The following FAM20C variants were observed in gnomAD, a reference collection of about 807,000 sequenced individuals.
FAM20C encodes extracellular serine/threonine protein kinase FAM20C.
A neutral mutation model predicts 51.5 loss-of-function variants in FAM20C; 40 were observed. That is an observed-to-expected ratio of 0.78 (90% CI 0.60 to 1.01). FAM20C has a LOEUF of 1.01. Among genes scored for constraint, FAM20C ranks in the 50% least tolerant of loss-of-function variants. FAM20C has a pLI of 0.00. For synonymous variants in FAM20C, 406 were observed against 380.6 expected (o/e 1.07, Z -0.78); for missense variants, 861 against 844.7 (o/e 1.02, Z -0.24).
intron 3 of FAM20C, among the ~76,000 whole-genome samples, chr7:212,123 G>A (rs899089544): frequency 6.6e-6 from 1 of 152,352 alleles, no homozygotes; most frequent in Admixed American, 6.5e-5. Context: ...GAAAGCAGCT[G>A]TGGTTCATGA....
At chr7:252,773 C>G (rs868709154) in intron 5 of FAM20C, among the ~76,000 whole-genome samples, 1 of 152,214 alleles carries the variant, frequency 6.6e-6, no homozygotes, top group Non-Finnish European at 1.5e-5. Flanking sequence ...TCAGAGAGGG[C>G]AATTAGGACC....
intron 3 of FAM20C, among the ~76,000 whole-genome samples, chr7:222,398 G>T (rs553089080): frequency 2.0e-5 from 3 of 152,236 alleles, no homozygotes; most frequent in South Asian, 2.1e-4. Flanking sequence ...CCCCACTGTG[G>T]TCCCCAGACT....
intron 5 of FAM20C, among the ~76,000 whole-genome samples, chr7:251,518 T>A (rs1201704294): frequency 2.1e-5 from 3 of 140,174 alleles, no homozygotes; most frequent in African/African-American, 5.2e-5. Context: ...AGACCCCGTC[T>A]CAAAAAAAAA....
At chr7:255,433 G>T (rs1387839712) in intron 5 of FAM20C, among the ~76,000 whole-genome samples, 1 of 152,138 alleles carries the variant, frequency 6.6e-6, no homozygotes. Flanking sequence ...TTGTCTTTTT[G>T]TGATTGAGTG....
rs555225422 is a variant in FAM20C at position 199,935 on chromosome 7, T to C, written c.784+4203T>C. 2.0e-5 allele frequency among the ~76,000 whole-genome samples: 3 copies of C among 152,336 alleles called. No individual in the cohort carries two copies. The East Asian group carries it at 5.8e-4, about 29-fold the overall frequency. ...GACTTCATAATTGCTCCATCCAGAT[T>C]GGGACAAAGACTGTGGTTGGGAGAA... On this transcript the variant is annotated intron_variant, in intron 2 of 9. Transcript: ENST00000313766.
intron 3 of FAM20C, among the ~76,000 whole-genome samples, chr7:210,687 G>A (rs139483004): frequency 6.6e-5 from 10 of 152,212 alleles, no homozygotes; most frequent in African/African-American, 1.9e-4. Flanking sequence ...GCCGAGCTAC[G>A]GGACCTTGAG....
chr7:256,890 G>C (rs1012673164), intron 7 of FAM20C, 115 bp from the exon 8 acceptor site: 3 of 1,421,162 alleles, frequency 2.1e-6, no homozygotes, highest in Non-Finnish European at 2.9e-6. Flanking sequence ...GAAGGGGCCA[G>C]ATTGCTTAGA....
chr7:206,750 G>A (rs1786421640), intron 2 of FAM20C, among the ~76,000 whole-genome samples: 5 of 143,990 alleles, frequency 3.5e-5, no homozygotes, highest in African/African-American at 1.1e-4. Context: ...CGTGCTCACT[G>A]TCCACTGTGA....
At chr7:252,720 C>A (rs1788448434) in intron 5 of FAM20C, among the ~76,000 whole-genome samples, 1 of 152,210 alleles carries the variant, frequency 6.6e-6, no homozygotes, top group Non-Finnish European at 1.5e-5. Context: ...AGGCTGAGCC[C>A]CAGGCAGCCC....
At chr7:201,951 TG>T (rs1401911521) in intron 2 of FAM20C, among the ~76,000 whole-genome samples, 1 of 152,246 alleles carries the variant, frequency 6.6e-6, no homozygotes, top group East Asian at 1.9e-4. Context: ...TAACTAGCCA[TG>T]TTAACTAGTG....
intron 8 of FAM20C, among the ~76,000 whole-genome samples, chr7:258,201 G>C (rs1323413386): frequency 7.2e-6 from 1 of 138,480 alleles, no homozygotes; most frequent in African/African-American, 2.9e-5. Context: ...GATAGGCAGG[G>C]TGGACCCACT....
At chr7:206,838 A>G (rs1223095287) in intron 2 of FAM20C, among the ~76,000 whole-genome samples, 2 of 95,672 alleles carry the variant, frequency 2.1e-5, no homozygotes, top group Non-Finnish European at 3.9e-5. Context: ...GGCCCCGCAC[A>G]CGTGTCCACT....
chr7:245,293 C>T (rs992363224), intron 3 of FAM20C, among the ~76,000 whole-genome samples: 11 of 106,996 alleles, frequency 1.0e-4, no homozygotes, highest in Non-Finnish European at 1.7e-4. Context: ...TGGGGATTCC[C>T]GCCAGCTCTG....
intron 3 of FAM20C, among the ~76,000 whole-genome samples, chr7:244,351 C>A (rs1012494384): frequency 6.6e-6 from 1 of 152,200 alleles, no homozygotes; most frequent in African/African-American, 2.4e-5. Flanking sequence ...ACAACGAAGG[C>A]TTTTTAACCT....
At chr7:211,852 C>T (rs1029187511) in intron 3 of FAM20C, among the ~76,000 whole-genome samples, 9 of 152,308 alleles carry the variant, frequency 5.9e-5, no homozygotes, top group East Asian at 3.9e-4. Flanking sequence ...ACGTGGCGGG[C>T]GGAGGCAGGG....
Position 248,348 on chromosome 7 carries a change from C to T in FAM20C, c.990C>T (p.Ala330=), listed in dbSNP as rs759219400. 2.6e-5 allele frequency: 40 copies of T among 1,537,006 alleles called. No homozygotes were observed. The highest frequency in any genetic ancestry group is 1.2e-4 in the Admixed American group (6 of 50,978). The change falls in exon 5 of 10, where the codon GCC becomes GCT. Residue 330 remains alanine (A), a synonymous_variant. Transcript: ENST00000313766. ...ILDFRRVPPV[A]GRMVNMTKEI... ...ACTTCCGCCGGGTCCCTCCCGTGGC[C>T]GGCAGGATGGTCAACATGACCAAGG...
At chr7:255,761 A>T in intron 5 of FAM20C, 88 bp from the exon 6 acceptor site, 2 of 1,432,374 alleles carry the variant, frequency 1.4e-6, no homozygotes, top group East Asian at 2.5e-5. Context: ...CACCAGGCAG[A>T]GCCCGGCCCG....
At position 226,890 on chromosome 7, in the gene FAM20C, A is replaced by C. The variant is rs79096256; in HGVS notation, c.863+17914A>C. 4.6e-3 allele frequency among the ~76,000 whole-genome samples: 704 copies of C among 152,326 alleles called. 7 individuals carry two copies. Among genetic ancestry groups the C allele is most frequent in the African/African-American group, 0.016 (675 of 41,548 alleles). On this transcript the variant is annotated intron_variant, in intron 3 of 9. Transcript: ENST00000313766. ...GACAGGGAAATGAATAAATGGTAAAAACAGCAAAACCCTCAGAGAGTGCGG... is the reference window on the plus strand; with the variant it reads ...GACAGGGAAATGAATAAATGGTAAACACAGCAAAACCCTCAGAGAGTGCGG...
intron 2 of FAM20C, among the ~76,000 whole-genome samples, chr7:205,784 G>C (rs1786351737): frequency 6.6e-6 from 1 of 151,952 alleles, no homozygotes; most frequent in Admixed American, 6.6e-5. Context: ...CCGTGCTCCT[G>C]GCCTTCCTGG....
Sources: gnomAD v4.1 joint callset for allele counts (sites outside exome capture counted in the v4.1 genomes callset) on GRCh38, gnomAD v4.1.1 for gene constraint, MANE v1.5 for transcripts, NCBI Gene and HGNC (gene_info 2026-07-23, HGNC 2026-07-21) for gene names.